LARGE1: variants seen among roughly 807,000 people sequenced by gnomAD.
LARGE1 encodes xylosyl- and glucuronyltransferase LARGE1.
Under a neutral mutation model 87.6 loss-of-function variants are expected in LARGE1, and 43 were observed. The ratio of observed to expected loss-of-function variants is 0.49; its 90% CI spans 0.38 to 0.63. The LOEUF (loss-of-function observed/expected upper bound fraction) is 0.63. Among genes scored for constraint, LARGE1 ranks in the 30% least tolerant of loss-of-function variants. The pLI is 0.00. For synonymous variants in LARGE1, 434 were observed against 394.6 expected (o/e 1.10, Z -1.18); for missense variants, 802 against 1,000.2 (o/e 0.80, Z 2.67).
At chr22:33,114,172 G>A in the LARGE1 span, among the ~76,000 whole-genome samples, 8 of 152,064 alleles carry the variant, frequency 5.3e-5, no homozygotes, top group African/African-American at 1.9e-4. Flanking sequence ...CACCGCGCCC[G>A]GCCGAAAACT....
At chr22:33,504,695 A>G (rs1238141105) in intron 6 of LARGE1, among the ~76,000 whole-genome samples, 1 of 152,194 alleles carries the variant, frequency 6.6e-6, no homozygotes, top group African/African-American at 2.4e-5. Context: ...TAGTTCCCGC[A>G]TTGGTTCAAG....
At chr22:33,242,460 A>G (rs1029809016) in intron 11 of LARGE1, among the ~76,000 whole-genome samples, 1 of 152,186 alleles carries the variant, frequency 6.6e-6, no homozygotes, top group Admixed American at 6.5e-5. Flanking sequence ...GCACACTGTT[A>G]GGTGATTATG....
In LARGE1 at chr22:33,714,886, G is replaced by A. The variant is rs531172275; in HGVS notation, c.106+46485C>T. On this transcript the variant is annotated intron_variant, in intron 2 of 14. Transcript: ENST00000397394. ...TGAACATAGGACACATTCCTCACCCGCTTCAGATTGTCCTCTGAAATTCAA... is the reference window on the plus strand; with the variant it reads ...TGAACATAGGACACATTCCTCACCCACTTCAGATTGTCCTCTGAAATTCAA... Among the ~76,000 whole-genome samples the A allele has an allele frequency of 7.7e-4, 117 of 152,054 alleles. 1 individual carries two copies. The highest frequency in any genetic ancestry group is 5.8e-3 in the Admixed American group (88 of 15,300).
At chr22:33,291,321 AT>A (rs1351922529) in intron 12 of LARGE1, among the ~76,000 whole-genome samples, 1 of 152,166 alleles carries the variant, frequency 6.6e-6, no homozygotes, top group African/African-American at 2.4e-5. Context: ...AATGGTCACG[AT>A]TTGCCTGAAA....
intron 1 of LARGE1, among the ~76,000 whole-genome samples, chr22:33,841,731 G>T (rs2063286854): frequency 6.6e-6 from 1 of 152,166 alleles, no homozygotes; most frequent in South Asian, 2.1e-4. Flanking sequence ...AAGTCCATGG[G>T]CTAAAGGGTG....
At chr22:33,511,121 A>C (rs1450566165) in intron 6 of LARGE1, among the ~76,000 whole-genome samples, 1 of 152,204 alleles carries the variant, frequency 6.6e-6, no homozygotes, top group Non-Finnish European at 1.5e-5. Context: ...GGGCAGCCAG[A>C]CTTTCCTCCC....
At chr22:33,499,271 T>C (rs1168992763) in intron 6 of LARGE1, among the ~76,000 whole-genome samples, 2 of 152,230 alleles carry the variant, frequency 1.3e-5, no homozygotes, top group African/African-American at 4.8e-5. Flanking sequence ...CTTCCTCCTA[T>C]TTCCTACTCT....
intron 11 of LARGE1, among the ~76,000 whole-genome samples, chr22:33,211,446 T>G (rs1209569391): frequency 6.6e-6 from 1 of 152,176 alleles, no homozygotes; most frequent in African/African-American, 2.4e-5. Context: ...AGCCTAGCTG[T>G]GAACACAAAG....
intron 2 of LARGE1, among the ~76,000 whole-genome samples, chr22:33,741,302 T>A (rs1601489322): frequency 6.6e-6 from 1 of 152,126 alleles, no homozygotes; most frequent in East Asian, 1.9e-4. Context: ...AAATGCAAAT[T>A]AAGTGTCAGA....
chr22:33,566,690 C>G (rs1248783589), intron 5 of LARGE1, among the ~76,000 whole-genome samples: 1 of 152,216 alleles, frequency 6.6e-6, no homozygotes, highest in Non-Finnish European at 1.5e-5. Context: ...CCTTATTTCT[C>G]CCTGCCCACA....
chr22:33,088,425 T>G, the LARGE1 span, among the ~76,000 whole-genome samples: 3 of 152,152 alleles, frequency 2.0e-5, no homozygotes, highest in Non-Finnish European at 4.4e-5. Context: ...CAAATAAAAA[T>G]ATTTCTATTC....
chr22:33,838,980 C>T lies in LARGE1; in HGVS notation c.-82-77422G>A, dbSNP rs192087249. On this transcript the variant is annotated intron_variant, in intron 1 of 14. Coordinates refer to ENST00000397394, the MANE Select transcript of LARGE1 (RefSeq NM_133642.5). ...TTTCTGATAGAAACCAATGCTTTTA[C>T]CTAAACAGTGGCTTCAGAAATAGCC... Among the ~76,000 whole-genome samples the T allele has an allele frequency of 2.0e-3, 309 of 152,300 alleles. 1 individual carries two copies. Among genetic ancestry groups the T allele is most frequent in the Admixed American group, 3.7e-3 (56 of 15,300 alleles).
intron 10 of LARGE1, among the ~76,000 whole-genome samples, chr22:33,318,669 G>T (rs11912725): frequency 0.022 from 3,412 of 152,096 alleles, 114 homozygotes; most frequent in African/African-American, 0.077. Context: ...AATGGGTGCA[G>T]CACACCAACA....
intron 1 of LARGE1, among the ~76,000 whole-genome samples, chr22:33,775,255 AT>A (rs111300790): frequency 5.3e-5 from 8 of 152,314 alleles, no homozygotes; most frequent in African/African-American, 1.9e-4. Context: ...TTCAAATTGA[AT>A]GTGCTTCTCT....
At chr22:33,908,771 G>C (rs1285072466) in intron 1 of LARGE1, among the ~76,000 whole-genome samples, 1 of 152,140 alleles carries the variant, frequency 6.6e-6, no homozygotes, top group Non-Finnish European at 1.5e-5. Context: ...CTGTTATCCA[G>C]AATGGCTTAC....
At chr22:33,134,384 G>A in the LARGE1 span, among the ~76,000 whole-genome samples, 3 of 150,076 alleles carry the variant, frequency 2.0e-5, no homozygotes, top group African/African-American at 2.5e-5. Context: ...TCAGCCTCCC[G>A]AGTAGCTGGG....
intron 5 of LARGE1, among the ~76,000 whole-genome samples, chr22:33,587,965 A>G (rs910029768): frequency 5.3e-5 from 8 of 152,178 alleles, no homozygotes; most frequent in Non-Finnish European, 7.3e-5. Context: ...TACAGGTTGG[A>G]AATTCTTTCT....
At chr22:33,695,129 A>T (rs2082205604) in intron 2 of LARGE1, among the ~76,000 whole-genome samples, 1 of 136,472 alleles carries the variant, frequency 7.3e-6, no homozygotes, top group African/African-American at 2.7e-5. Context: ...TTTTGAGATG[A>T]GTCTCACTCT....
chr22:33,671,543 T>C (rs945361663), intron 2 of LARGE1, among the ~76,000 whole-genome samples: 2 of 152,210 alleles, frequency 1.3e-5, no homozygotes, highest in Non-Finnish European at 2.9e-5. Context: ...TGGTTCCATA[T>C]TATTACCAAA....
Sources: gnomAD v4.1 joint callset for allele counts (sites outside exome capture counted in the v4.1 genomes callset) on GRCh38, gnomAD v4.1.1 for gene constraint, MANE v1.5 for transcripts, NCBI Gene and HGNC (gene_info 2026-07-23, HGNC 2026-07-21) for gene names.